AKAP7: variants seen among roughly 807,000 people sequenced by gnomAD.
AKAP7 encodes A-kinase anchoring protein 7.
AKAP7 carries 39 observed loss-of-function variants against 39.5 expected under a neutral mutation model. The observed-to-expected ratio is 0.99, with a 90% CI of 0.76 to 1.29. The LOEUF is 1.29. Ranked by LOEUF, AKAP7 falls within the 50% of genes most tolerant of loss-of-function variation. The pLI is 0.00. For missense variants in AKAP7, 414 were observed against 407.7 expected, an observed-to-expected ratio of 1.02 and a Z score of -0.13; for synonymous variants, 140 against 139.1, an observed-to-expected ratio of 1.01 and a Z score of -0.05.
chr6:131,132,337 C>A (rs1800347135), upstream of AKAP7, among the ~76,000 whole-genome samples: 1 of 150,312 alleles, frequency 6.7e-6, no homozygotes. Flanking sequence ...AAGATGAATT[C>A]ATAGGTATTA....
At chr6:131,262,484 C>T (rs1813427946) in intron 7 of AKAP7, among the ~76,000 whole-genome samples, 1 of 151,836 alleles carries the variant, frequency 6.6e-6, no homozygotes, top group South Asian at 2.1e-4. Flanking sequence ...TTGTTTATGC[C>T]AATGTTCTTA....
rs182040389 is a variant in AKAP7 at position 131,275,761 on chromosome 6, C to T, written c.851-5769C>T. Reference sequence around the variant, plus strand: ...GTTTGGGGATTCCTACAAGGATGTGCGGATCGGGGGGCTGGCTTCAGACAG... The same window carrying T: ...GTTTGGGGATTCCTACAAGGATGTGTGGATCGGGGGGCTGGCTTCAGACAG... On this transcript the variant is annotated intron_variant, in intron 7 of 7. Coordinates refer to ENST00000431975, the MANE Select transcript of AKAP7 (RefSeq NM_016377.4). Among the ~76,000 whole-genome samples, 321 of 152,242 alleles carry T rather than the reference C, an allele frequency of 2.1e-3. 1 individual carries two copies. The highest frequency in any genetic ancestry group is 7.3e-3 in the African/African-American group (305 of 41,546).
intron 7 of AKAP7, among the ~76,000 whole-genome samples, chr6:131,234,846 T>C (rs1015673050): frequency 5.9e-5 from 9 of 151,834 alleles, no homozygotes; most frequent in African/African-American, 2.2e-4. Context: ...ACTTGTCATG[T>C]GGTTTTGATT....
At chr6:131,207,741 G>A (rs1289683997) in intron 6 of AKAP7, among the ~76,000 whole-genome samples, 1 of 151,754 alleles carries the variant, frequency 6.6e-6, no homozygotes, top group African/African-American at 2.4e-5. Flanking sequence ...GACAGAATAG[G>A]CAAGGGCTCT....
chr6:131,185,308 T>C (rs1805728037), intron 5 of AKAP7: 2 of 487,114 alleles, frequency 4.1e-6, no homozygotes, highest in African/African-American at 2.0e-5. Flanking sequence ...TAGAACCTGG[T>C]TACTTCTTCA....
chr6:131,167,667 G>C (rs1001416064), intron 4 of AKAP7, among the ~76,000 whole-genome samples: 2 of 151,974 alleles, frequency 1.3e-5, no homozygotes, highest in Non-Finnish European at 2.9e-5. Flanking sequence ...AAAGTATAGT[G>C]CATTTGTCAT....
chr6:131,209,991 T>C (rs906849010), intron 6 of AKAP7, among the ~76,000 whole-genome samples: 2 of 152,216 alleles, frequency 1.3e-5, no homozygotes, highest in African/African-American at 4.8e-5. Flanking sequence ...GCAAACCAGC[T>C]GGAATTATTT....
intron 4 of AKAP7, among the ~76,000 whole-genome samples, 174 bp from the exon 5 acceptor site, chr6:131,168,938 GT>G (rs745386362): frequency 2.0e-4 from 30 of 151,888 alleles, no homozygotes; most frequent in African/African-American, 2.9e-4. Flanking sequence ...CATAGTTTTT[GT>G]TTAAAACTGT....
chr6:131,267,806 G>GTGTACCCT (rs1351703447), intron 7 of AKAP7, among the ~76,000 whole-genome samples: 1 of 152,136 alleles, frequency 6.6e-6, no homozygotes, highest in Non-Finnish European at 1.5e-5. Context: ...TGTCTACTTT[G>GTGTACCCT]TGTACCCTTG....
intron 6 of AKAP7, 109 bp from the exon 7 acceptor site, chr6:131,219,552 G>T: frequency 1.0e-6 from 1 of 978,526 alleles, no homozygotes; most frequent in South Asian, 1.7e-5. Flanking sequence ...AGTAGGCAGT[G>T]GTGTAACAAT....
chr6:131,241,615 G>GTGTGTT (rs1811584778), intron 7 of AKAP7, among the ~76,000 whole-genome samples: 1 of 101,336 alleles, frequency 9.9e-6, no homozygotes, highest in African/African-American at 3.5e-5. Flanking sequence ...GTGTGTGTGT[G>GTGTGTT]TGTGTGTGTG....
chr6:131,282,652 TTATTAAGTAGCTCTTTGGTAAAC>T lies in AKAP7; in HGVS notation c.*927_*949del. The stretch of plus-strand genomic sequence containing the variant: ...ACATAGCTTATGAAATCTTTTCAGC[TTATTAAGTAGCTCTTTGGTAAAC>T]ACCAAAGAAGTTTCTGATAGTGTCT... On this transcript the variant is annotated 3_prime_UTR_variant, in exon 8 of 8. Coordinates refer to ENST00000431975, the MANE Select transcript of AKAP7 (RefSeq NM_016377.4). 1 of 1,449,494 alleles carries T rather than the reference TTATTAAGTAGCTCTTTGGTAAAC, an allele frequency of 6.9e-7. No homozygotes were observed. Among genetic ancestry groups the T allele is most frequent in the Non-Finnish European group, 9.3e-7 (1 of 1,075,816 alleles). 89.8% of individuals were successfully genotyped at this position (1,449,494 alleles called of 1,614,324 possible).
intron 7 of AKAP7, among the ~76,000 whole-genome samples, chr6:131,261,426 T>C (rs1408788682): frequency 1.3e-5 from 2 of 152,140 alleles, no homozygotes; most frequent in African/African-American, 4.8e-5. Context: ...TATTGTATTA[T>C]TGTCTTTATA....
intron 7 of AKAP7, among the ~76,000 whole-genome samples, chr6:131,262,617 A>T (rs1562251744): frequency 6.6e-6 from 1 of 151,678 alleles, no homozygotes; most frequent in Non-Finnish European, 1.5e-5. Flanking sequence ...ATTTTTAAAA[A>T]AATATATATA....
intron 7 of AKAP7, among the ~76,000 whole-genome samples, chr6:131,257,647 G>A (rs934346761): frequency 1.5e-4 from 23 of 152,160 alleles, no homozygotes; most frequent in Admixed American, 4.6e-4. Context: ...TAGAGAGCCT[G>A]TCTTCCTTTT....
intron 7 of AKAP7, among the ~76,000 whole-genome samples, chr6:131,260,108 T>C (rs1291887711): frequency 3.9e-5 from 6 of 152,126 alleles, no homozygotes; most frequent in Admixed American, 6.5e-5. Flanking sequence ...TCCATATCCA[T>C]CCATGTCCCT....
chr6:131,178,971 C>G (rs1804845051), intron 5 of AKAP7, among the ~76,000 whole-genome samples: 1 of 152,080 alleles, frequency 6.6e-6, no homozygotes, highest in Admixed American at 6.5e-5. Flanking sequence ...GTCTTTTCTG[C>G]CATAGATCTT....
intron 5 of AKAP7, among the ~76,000 whole-genome samples, chr6:131,197,860 C>T (rs185642861): frequency 9.9e-5 from 15 of 152,222 alleles, no homozygotes; most frequent in African/African-American, 1.2e-4. Context: ...AGGGGACCAA[C>T]GCTAGTATGG....
At chr6:131,132,076 G>A (rs1020036864), upstream of AKAP7, among the ~76,000 whole-genome samples, 2 of 152,140 alleles carry the variant, frequency 1.3e-5, no homozygotes, top group South Asian at 2.1e-4. Flanking sequence ...ACTTTGGGAG[G>A]CCGAGGCGGG....
Sources: allele counts gnomAD v4.1 joint callset (sites outside exome capture counted in the v4.1 genomes callset), GRCh38; gene constraint gnomAD v4.1.1; transcripts MANE v1.5; gene names NCBI Gene and HGNC (gene_info 2026-07-23, HGNC 2026-07-21).